HOOK3: variants seen among roughly 807,000 people sequenced by gnomAD.
The protein encoded by HOOK3 is hook microtubule tethering protein 3.
A neutral mutation model predicts 116.3 loss-of-function variants in HOOK3; 24 were observed. The observed-to-expected ratio is 0.21, with a 90% CI of 0.15 to 0.29. The LOEUF is 0.29. Among genes scored for constraint, HOOK3 ranks in the 10% least tolerant of loss-of-function variants. The pLI is 1.00. For missense variants in HOOK3, 632 were observed against 830.2 expected, an observed-to-expected ratio of 0.76 and a Z score of 2.93; for synonymous variants, 275 against 283.0, an observed-to-expected ratio of 0.97 and a Z score of 0.28.
chr8:42,977,440 C>G (rs1212479172), intron 13 of HOOK3, among the ~76,000 whole-genome samples: 1 of 152,066 alleles, frequency 6.6e-6, no homozygotes, highest in Non-Finnish European at 1.5e-5. Context: ...AGACCCAAAG[C>G]TCAATCATTT....
chr8:43,007,626 T>C (rs957580566), intron 17 of HOOK3, among the ~76,000 whole-genome samples: 1 of 152,216 alleles, frequency 6.6e-6, no homozygotes, highest in Non-Finnish European at 1.5e-5. Context: ...TGCAGGTCTA[T>C]CTAAACTAAA....
In HOOK3 at chr8:43,022,921, C is replaced by G. The variant is rs776061432; in HGVS notation, c.*4423C>G. 14 of 164,876 alleles carry G rather than the reference C, an allele frequency of 8.5e-5. No homozygotes were observed. Among genetic ancestry groups the G allele is most frequent in the Admixed American group, 1.9e-4 (3 of 15,544 alleles). 10.2% of individuals were successfully genotyped at this position (164,876 alleles called of 1,614,324 possible). On this transcript the variant is annotated 3_prime_UTR_variant, in exon 22 of 22. Coordinates refer to ENST00000307602, the MANE Select transcript of HOOK3 (RefSeq NM_032410.4). ...ATGTTATCCAGTCAGAAACATCAGC[C>G]TGTGGCCAGGTGCGGTGGCTCACGC... is the stretch of plus-strand genomic sequence containing the variant.
intron 4 of HOOK3, among the ~76,000 whole-genome samples, chr8:42,931,653 C>T (rs1323553244): frequency 6.6e-6 from 1 of 151,640 alleles, no homozygotes; most frequent in Non-Finnish European, 1.5e-5. Context: ...AGGATGGTCT[C>T]GATCTCCTGA....
chr8:42,920,400 A>T (rs1028041234), intron 2 of HOOK3, among the ~76,000 whole-genome samples: 4 of 152,266 alleles, frequency 2.6e-5, no homozygotes, highest in Non-Finnish European at 5.9e-5. Flanking sequence ...CAGGGAAAGT[A>T]ATACTGAATA....
chr8:42,900,269 T>G (rs1003708237), intron 1 of HOOK3, among the ~76,000 whole-genome samples: 1 of 152,170 alleles, frequency 6.6e-6, no homozygotes, highest in Non-Finnish European at 1.5e-5. Context: ...CTCTCCACCC[T>G]CTGAGTCAAA....
chr8:42,950,588 C>T, intron 6 of HOOK3, 133 bp downstream of exon 6: 2 of 508,536 alleles, frequency 3.9e-6, no homozygotes, highest in South Asian at 4.0e-5. Context: ...TATGATATAG[C>T]TTTTCTTGTT....
At chr8:42,897,409 A>C in intron 1 of HOOK3, 4 of 295,374 alleles carry the variant, frequency 1.4e-5, no homozygotes, top group East Asian at 5.3e-5. Flanking sequence ...TGGGCTGGGA[A>C]CGCGGCGGGC....
At chr8:42,996,294 G>A (rs532697100) in intron 15 of HOOK3, among the ~76,000 whole-genome samples, 1 of 151,160 alleles carries the variant, frequency 6.6e-6, no homozygotes, top group Non-Finnish European at 1.5e-5. Flanking sequence ...GCTGAGGCAC[G>A]AGGATTGCTT....
At chr8:42,916,217 T>A (rs1807530721) in intron 2 of HOOK3, among the ~76,000 whole-genome samples, 1 of 152,256 alleles carries the variant, frequency 6.6e-6, no homozygotes, top group African/African-American at 2.4e-5. Context: ...CCTGCTCTAT[T>A]GTAGGTGTCC....
chr8:42,927,456 A>G (rs534181992), intron 3 of HOOK3, among the ~76,000 whole-genome samples: 2 of 152,050 alleles, frequency 1.3e-5, no homozygotes, highest in Admixed American at 6.6e-5. Context: ...TGGTTTCGTC[A>G]TGTTGGCTAG....
chr8:43,000,204 T>C, intron 16 of HOOK3: 1 of 1,042,240 alleles, frequency 9.6e-7, no homozygotes, highest in Admixed American at 2.4e-5. Flanking sequence ...TCGTTGCTTC[T>C]CTTGGCTGCT....
rs181725432 is a variant in HOOK3 at position 43,010,478 on chromosome 8, C to T, written c.1839+73C>T. On this transcript the variant is annotated intron_variant, in intron 19 of 21. Coordinates refer to ENST00000307602, the MANE Select transcript of HOOK3 (RefSeq NM_032410.4). Reference sequence around the variant, plus strand: ...TCAGTGAAGTCTCAAATATAATGGACGGACACTACAGCAACTTCTTAATGC... The same window carrying T: ...TCAGTGAAGTCTCAAATATAATGGATGGACACTACAGCAACTTCTTAATGC... 4.5e-4 allele frequency: 190 copies of T among 418,814 alleles called. 1 individual carries two copies. The East Asian group carries it at 9.6e-3, about 21-fold the overall frequency. 25.9% of individuals were successfully genotyped at this position (418,814 alleles called of 1,614,324 possible).
intron 18 of HOOK3, among the ~76,000 whole-genome samples, chr8:43,008,860 C>T (rs1210961184): frequency 2.7e-4 from 40 of 150,482 alleles, no homozygotes; most frequent in Non-Finnish European, 2.8e-4. Flanking sequence ...GGGGTTTCAC[C>T]GTTTTAGCCG....
At chr8:42,908,995 T>C (rs2130328045) in intron 2 of HOOK3, among the ~76,000 whole-genome samples, 1 of 152,278 alleles carries the variant, frequency 6.6e-6, no homozygotes. Context: ...TAAAAAAGCA[T>C]GAAGGACTTG....
At chr8:42,900,129 G>C (rs746968842) in intron 1 of HOOK3, among the ~76,000 whole-genome samples, 4 of 152,126 alleles carry the variant, frequency 2.6e-5, no homozygotes, top group South Asian at 4.1e-4. Context: ...AAATTTTTTC[G>C]AAAGAGAGAG....
chr8:43,013,765 G>A (rs1054948166), intron 21 of HOOK3, among the ~76,000 whole-genome samples: 1 of 152,276 alleles, frequency 6.6e-6, no homozygotes, highest in African/African-American at 2.4e-5. Context: ...ATTTGATTGA[G>A]GGTAGTTTAT....
intron 1 of HOOK3, among the ~76,000 whole-genome samples, chr8:42,903,623 A>G (rs1302021122): frequency 1.3e-5 from 2 of 150,126 alleles, no homozygotes; most frequent in Non-Finnish European, 3.0e-5. Flanking sequence ...GATTACAGAC[A>G]TGAGCCACCG....
chr8:42,905,326 G>GGT (rs1491474081), intron 1 of HOOK3, among the ~76,000 whole-genome samples: 5 of 66,208 alleles, frequency 7.6e-5, no homozygotes, highest in Admixed American at 3.1e-4. Context: ...TTCTTTTTTT[G>GGT]GGGGGGGGGG....
In HOOK3 at chr8:43,025,301, G is replaced by A. The variant is rs1487033931; in HGVS notation, c.*6803G>A. On this transcript the variant is annotated 3_prime_UTR_variant, in exon 22 of 22. Coordinates refer to ENST00000307602, the MANE Select transcript of HOOK3 (RefSeq NM_032410.4). ...AAGACTCGGTTTGCATGCTGTGTGTGTTTGCATGAGTATAGAAACCTAAGA... is the reference window on the plus strand; with the variant it reads ...AAGACTCGGTTTGCATGCTGTGTGTATTTGCATGAGTATAGAAACCTAAGA... The A allele has an allele frequency of 4.8e-6, 1 of 210,166 alleles. No homozygotes were observed. The highest frequency in any genetic ancestry group is 7.2e-5 in the East Asian group (1 of 13,846). 13.0% of individuals were successfully genotyped at this position (210,166 alleles called of 1,614,324 possible). A position where few individuals can be genotyped will look rare whatever the true frequency, so the allele number is the denominator to read the frequency against.
Sources: allele counts gnomAD v4.1 joint callset (sites outside exome capture counted in the v4.1 genomes callset), GRCh38; gene constraint gnomAD v4.1.1; transcripts MANE v1.5; gene names NCBI Gene and HGNC (gene_info 2026-07-23, HGNC 2026-07-21).